Variants in SHANK2 observed in about 807,000 individuals in gnomAD.
SHANK2 encodes SH3 and multiple ankyrin repeat domains protein 2.
Under a neutral mutation model 133.7 loss-of-function variants are expected in SHANK2, and 43 were observed. The ratio of observed to expected loss-of-function variants is 0.32; its 90% CI spans 0.25 to 0.41. The LOEUF is 0.41. Ranked by LOEUF, SHANK2 falls within the 10% of genes least tolerant of loss-of-function variation. SHANK2 has a pLI of 1.00. For synonymous variants in SHANK2, 1,017 were observed against 952.8 expected (o/e 1.07, Z -1.24); for missense variants, 1,994 against 2,235.8 (o/e 0.89, Z 2.18).
rs535455920 is a variant in SHANK2 at position 70,689,046 on chromosome 11, G to T, written c.1853+9642C>A. ...TGGTGTTTGACCTGAGGAACGTGCA[G>T]TTCACCTGAGCTCTGCCGTGAGAGC... On this transcript the variant is annotated intron_variant, in intron 15 of 25. Coordinates refer to ENST00000601538, the MANE Select transcript of SHANK2 (RefSeq NM_012309.5). Among the ~76,000 whole-genome samples, 21 of 152,328 alleles carry T rather than the reference G, an allele frequency of 1.4e-4. No individual in the cohort carries two copies. The South Asian group carries it at 1.4e-3, about 11-fold the overall frequency.
intron 11 of SHANK2, among the ~76,000 whole-genome samples, chr11:70,873,559 G>T (rs1392468116): frequency 1.3e-5 from 2 of 152,110 alleles, no homozygotes; most frequent in East Asian, 1.9e-4. Flanking sequence ...ACACCCTTTC[G>T]GGGCTTCTTC....
intron 8 of SHANK2, among the ~76,000 whole-genome samples, chr11:71,086,736 G>T (rs908828916): frequency 1.1e-3 from 170 of 151,880 alleles, no homozygotes; most frequent in Non-Finnish European, 2.2e-3. Context: ...GTAAATGTGA[G>T]CACTTATGAG....
intron 17 of SHANK2, among the ~76,000 whole-genome samples, chr11:70,635,692 A>G (rs1357962222): frequency 2.0e-5 from 3 of 152,084 alleles, no homozygotes; most frequent in Admixed American, 2.0e-4. Context: ...AAAATGGTTA[A>G]GATGGTAAAT....
chr11:70,601,731 T>A (rs566459337), intron 17 of SHANK2, among the ~76,000 whole-genome samples: 2 of 152,224 alleles, frequency 1.3e-5, no homozygotes, highest in East Asian at 3.9e-4. Flanking sequence ...AAGATGAGAA[T>A]AAGAATTTCC....
intron 14 of SHANK2, among the ~76,000 whole-genome samples, chr11:70,783,937 C>T (rs1947574574): frequency 6.6e-6 from 1 of 152,168 alleles, no homozygotes; most frequent in Non-Finnish European, 1.5e-5. Flanking sequence ...CAGATGCCTG[C>T]CCTGGGCACC....
At chr11:70,790,235 G>A (rs1343213995) in intron 14 of SHANK2, among the ~76,000 whole-genome samples, 1 of 152,230 alleles carries the variant, frequency 6.6e-6, no homozygotes, top group Non-Finnish European at 1.5e-5. Flanking sequence ...TGTCTTGGAA[G>A]ATGCGGAAGG....
intron 15 of SHANK2, among the ~76,000 whole-genome samples, chr11:70,666,404 C>T (rs67747845): frequency 0.021 from 3,252 of 152,286 alleles, 52 homozygotes; most frequent in Non-Finnish European, 0.034. Context: ...GGGTCTCACA[C>T]GCAGGCCTTA....
At chr11:71,087,846 C>G (rs1827160349) in intron 8 of SHANK2, among the ~76,000 whole-genome samples, 12 of 152,140 alleles carry the variant, frequency 7.9e-5, no homozygotes, top group Admixed American at 7.9e-4. Flanking sequence ...CCAGGCTGGT[C>G]TCGAACTGCT....
At chr11:71,184,833 T>A (rs1452847422) in intron 2 of SHANK2, among the ~76,000 whole-genome samples, 2 of 152,174 alleles carry the variant, frequency 1.3e-5, no homozygotes, top group Non-Finnish European at 2.9e-5. Context: ...TGAGACTGAA[T>A]AAGACCAAGC....
chr11:70,733,608 G>T (rs1174840639), intron 14 of SHANK2, among the ~76,000 whole-genome samples: 2 of 152,246 alleles, frequency 1.3e-5, no homozygotes, highest in African/African-American at 4.8e-5. Flanking sequence ...GAGCTGAGAG[G>T]CTGCCACAGG....
intron 19 of SHANK2, 124 bp downstream of exon 19, chr11:70,502,082 G>GGGTAC: frequency 7.6e-7 from 1 of 1,315,808 alleles, no homozygotes; most frequent in Non-Finnish European, 1.1e-6. Flanking sequence ...ATGCACGTCT[G>GGGTAC]GGTACAGGGG....
intron 17 of SHANK2, among the ~76,000 whole-genome samples, chr11:70,630,294 C>T (rs1392405871): frequency 6.6e-6 from 1 of 152,148 alleles, no homozygotes; most frequent in Non-Finnish European, 1.5e-5. Flanking sequence ...GGCTGGTCAG[C>T]CCCCAGGACA....
intron 3 of SHANK2, among the ~76,000 whole-genome samples, chr11:71,137,831 C>T (rs1952476431): frequency 6.6e-6 from 1 of 152,220 alleles, no homozygotes; most frequent in Non-Finnish European, 1.5e-5. Context: ...TCCATCAACT[C>T]CTAGAAGACA....
chr11:71,244,053 A>G (rs1373765510), intron 1 of SHANK2, among the ~76,000 whole-genome samples: 2 of 152,228 alleles, frequency 1.3e-5, no homozygotes. Context: ...CCAGACTTCA[A>G]AAGAAAACTA....
intron 17 of SHANK2, among the ~76,000 whole-genome samples, chr11:70,632,453 T>C (rs1207142): frequency 0.53 from 80,400 of 151,984 alleles, 21,499 homozygotes; most frequent in Middle Eastern, 0.64. Flanking sequence ...CCCGAACAGC[T>C]GCAGGTGTGT....
At chr11:71,137,456 G>A (rs1952466532) in intron 3 of SHANK2, among the ~76,000 whole-genome samples, 2 of 152,118 alleles carry the variant, frequency 1.3e-5, no homozygotes, top group Non-Finnish European at 2.9e-5. Flanking sequence ...GGTATGGAGG[G>A]GGAAATAAGG....
intron 17 of SHANK2, among the ~76,000 whole-genome samples, chr11:70,551,121 G>C (rs898683370): frequency 6.6e-6 from 1 of 152,204 alleles, no homozygotes; most frequent in Admixed American, 6.5e-5. Context: ...ACCAGGGTCT[G>C]CATTTTCACA....
Position 70,807,241 on chromosome 11 carries a change from C to T in SHANK2, c.1494-70G>A. On this transcript the variant is annotated intron_variant, in intron 12 of 25. Coordinates refer to ENST00000601538, the MANE Select transcript of SHANK2 (RefSeq NM_012309.5). This position sits in a 1 kb window ranked among gnomAD's most constrained non-coding sequence, Gnocchi z 4.8. ...AGGTCACAAGCCACATGCCACAAAC[C>T]ACAGCCAAGCCATTCAACGCATGCT... 1.5e-6 allele frequency: 1 copy of T among 688,406 alleles called. No homozygotes were observed. Among genetic ancestry groups the T allele is most frequent in the Admixed American group, 2.4e-5 (1 of 41,972 alleles). The allele number at this position is 688,406 out of a possible 1,614,324, so 42.6% of individuals were successfully genotyped here.
intron 11 of SHANK2, among the ~76,000 whole-genome samples, chr11:70,865,383 G>A (rs1949336901): frequency 6.6e-6 from 1 of 152,154 alleles, no homozygotes; most frequent in Non-Finnish European, 1.5e-5. Context: ...AAAGAATCTA[G>A]AGCACAGGAG....
Sources: allele counts gnomAD v4.1 joint callset (sites outside exome capture counted in the v4.1 genomes callset), GRCh38; gene constraint gnomAD v4.1.1; non-coding constraint Gnocchi (gnomAD v3.1); transcripts MANE v1.5; gene names NCBI Gene and HGNC (gene_info 2026-07-23, HGNC 2026-07-21).